GRM1: variants seen among roughly 807,000 people sequenced by gnomAD.
GRM1 encodes metabotropic glutamate receptor 1.
A neutral mutation model predicts 90.9 loss-of-function variants in GRM1; 33 were observed. That is an observed-to-expected ratio of 0.36 (90% CI 0.28 to 0.49). GRM1 has a LOEUF of 0.49. Among genes scored for constraint, GRM1 ranks in the 20% least tolerant of loss-of-function variants. GRM1 has a pLI of 0.99. For synonymous variants in GRM1, 700 were observed against 613.2 expected, an observed-to-expected ratio of 1.14 and a Z score of -2.09; for missense variants, 1,190 against 1,534.3, an observed-to-expected ratio of 0.78 and a Z score of 3.75.
chr6:146,285,108 T>C (rs971195745), intron 2 of GRM1, among the ~76,000 whole-genome samples: 1 of 152,224 alleles, frequency 6.6e-6, no homozygotes, highest in African/African-American at 2.4e-5. Flanking sequence ...CAAATTTCTA[T>C]TGGATTCTTG....
At chr6:146,143,957 T>G (rs1337173024) in intron 1 of GRM1, among the ~76,000 whole-genome samples, 1 of 152,248 alleles carries the variant, frequency 6.6e-6, no homozygotes, top group Non-Finnish European at 1.5e-5. Context: ...TCAAGACTCC[T>G]GGCTCTCATT....
rs1775376792 is a variant in GRM1 at position 146,053,599 on chromosome 6, T to C, written c.700+23382T>C. ...ATGAATAAAGGACTGATGGACTGAA[T>C]CCTGCTGAACGTTATGTGAGTTTTT... On this transcript the variant is annotated intron_variant, in intron 1 of 7. Coordinates refer to ENST00000282753, the MANE Select transcript of GRM1 (RefSeq NM_001278064.2). Among the ~76,000 whole-genome samples the C allele has an allele frequency of 2.0e-5, 3 of 152,176 alleles. No homozygotes were observed. In the South Asian group the frequency reaches 6.2e-4, roughly 32 times the overall value.
intron 7 of GRM1, among the ~76,000 whole-genome samples, chr6:146,401,907 G>A (rs1583448079): frequency 6.6e-6 from 1 of 152,142 alleles, no homozygotes; most frequent in African/African-American, 2.4e-5. Context: ...GCTATCTGAT[G>A]TCACATTAAC....
chr6:146,126,511 A>C (rs2128878959), intron 1 of GRM1, among the ~76,000 whole-genome samples: 1 of 152,286 alleles, frequency 6.6e-6, no homozygotes, highest in East Asian at 1.9e-4. Flanking sequence ...TTCTAAAATC[A>C]CTAAACCAGA....
At chr6:146,396,315 A>C (rs1776932884) in intron 6 of GRM1, among the ~76,000 whole-genome samples, 1 of 152,196 alleles carries the variant, frequency 6.6e-6, no homozygotes, top group South Asian at 2.1e-4. Context: ...ATGGTGTCTT[A>C]GATTCCCAAA....
In GRM1 at chr6:146,029,905, A is replaced by G. The variant is rs374592397; in HGVS notation, c.388A>G (p.Ile130Val). ...IEFIRDSLIS[I>V]RDEKDGINRC... The stretch of plus-strand genomic sequence containing the variant: ...GTTCATTAGGGACTCTCTGATTTCC[A>G]TTCGAGATGAGAAGGATGGGATCAA... Residue 130 changes from isoleucine to valine, a missense_variant, in exon 1 of 8, where the codon ATT (isoleucine) becomes GTT (valine). By Grantham distance (29) the Ile-to-Val change is conservative (BLOSUM62 3). Coordinates refer to ENST00000282753, the MANE Select transcript of GRM1 (RefSeq NM_001278064.2). 26 of 1,613,948 alleles carry G rather than the reference A, an allele frequency of 1.6e-5. No homozygotes were observed. The highest frequency in any genetic ancestry group is 2.2e-5 in the Non-Finnish European group (26 of 1,180,016).
At chr6:146,213,239 G>C (rs1779740411) in intron 2 of GRM1, among the ~76,000 whole-genome samples, 1 of 152,092 alleles carries the variant, frequency 6.6e-6, no homozygotes, top group Non-Finnish European at 1.5e-5. Context: ...TATGAGAGAG[G>C]TTGTATCAGG....
intron 3 of GRM1, among the ~76,000 whole-genome samples, chr6:146,352,026 A>C (rs1434171286): frequency 1.3e-5 from 2 of 152,206 alleles, no homozygotes; most frequent in African/African-American, 4.8e-5. Flanking sequence ...TATATCTCAT[A>C]AAACCATTAT....
At chr6:146,272,134 G>A (rs954438927) in intron 2 of GRM1, among the ~76,000 whole-genome samples, 5 of 152,174 alleles carry the variant, frequency 3.3e-5, no homozygotes, top group African/African-American at 1.2e-4. Flanking sequence ...GATACATAAA[G>A]TAAGCATTTG....
At chr6:146,269,391 A>C (rs1488461613) in intron 2 of GRM1, among the ~76,000 whole-genome samples, 2 of 152,220 alleles carry the variant, frequency 1.3e-5, no homozygotes. Flanking sequence ...AAACCTCCTA[A>C]AAATTCTATG....
chr6:146,396,847 G>GGT (rs1173445127), intron 6 of GRM1, among the ~76,000 whole-genome samples: 5 of 152,150 alleles, frequency 3.3e-5, no homozygotes, highest in Non-Finnish European at 5.9e-5. Context: ...AAGGTTATAT[G>GGT]ACTTAATATA....
At chr6:146,322,611 T>C (rs1379609869) in intron 3 of GRM1, among the ~76,000 whole-genome samples, 4 of 151,852 alleles carry the variant, frequency 2.6e-5, no homozygotes, top group Non-Finnish European at 2.9e-5. Flanking sequence ...TTTATTTTAT[T>C]ATTGTTATAC....
chr6:146,209,375 G>T (rs969501216), intron 2 of GRM1, among the ~76,000 whole-genome samples: 1 of 152,074 alleles, frequency 6.6e-6, no homozygotes, highest in Non-Finnish European at 1.5e-5. Flanking sequence ...GGACATTTTT[G>T]ATTAAGTAGG....
At chr6:146,077,553 A>T (rs1366966243) in intron 1 of GRM1, among the ~76,000 whole-genome samples, 2 of 152,240 alleles carry the variant, frequency 1.3e-5, no homozygotes, top group African/African-American at 4.8e-5. Context: ...TGGACTGAGC[A>T]TCACAGATGT....
intron 1 of GRM1, among the ~76,000 whole-genome samples, chr6:146,138,907 G>A (rs1776731268): frequency 6.6e-6 from 1 of 150,614 alleles, no homozygotes; most frequent in South Asian, 2.1e-4. Flanking sequence ...TCTTTAAGAT[G>A]CATACTTAGG....
At chr6:146,122,389 AC>A (rs1776024360) in intron 1 of GRM1, among the ~76,000 whole-genome samples, 1 of 151,800 alleles carries the variant, frequency 6.6e-6, no homozygotes, top group South Asian at 2.1e-4. Flanking sequence ...AATTTGCCCC[AC>A]CCCCACTGCA....
At chr6:146,257,345 A>G (rs540070663) in intron 2 of GRM1, among the ~76,000 whole-genome samples, 7 of 152,196 alleles carry the variant, frequency 4.6e-5, no homozygotes, top group African/African-American at 1.7e-4. Flanking sequence ...AGTATTTAGC[A>G]GGGAGTCCTG....
intron 2 of GRM1, among the ~76,000 whole-genome samples, chr6:146,204,135 T>C (rs950617946): frequency 6.6e-6 from 1 of 152,216 alleles, no homozygotes; most frequent in Non-Finnish European, 1.5e-5. Flanking sequence ...TCTAGCTTTA[T>C]GCATGTGTTA....
chr6:146,434,710 T>A lies in GRM1; in HGVS notation c.3499T>A (p.Ser1167Thr). 1 of 1,602,540 alleles carries A rather than the reference T, an allele frequency of 6.2e-7. No individual in the cohort carries two copies. The highest frequency in any genetic ancestry group is 8.5e-7 in the Non-Finnish European group (1 of 1,179,926). The change falls in exon 8 of 8, where the codon TCC (serine) becomes ACC (threonine). Residue 1167 changes from serine (S) to threonine (T), a missense_variant. Ser to Thr is a moderately conservative substitution (Grantham distance 58). Transcript: ENST00000282753. ...CAGCTCGGTGCCCAGCTCCCCCGTG[T>A]CCGAGTCGGTGCTCTGCACCCCTCC... is the stretch of plus-strand genomic sequence containing the variant. ...SGSSVPSSPVSESVLCTPPNV... is the reference protein window; with the variant it reads ...SGSSVPSSPVTESVLCTPPNV...
Sources: allele counts gnomAD v4.1 joint callset (sites outside exome capture counted in the v4.1 genomes callset), GRCh38; gene constraint gnomAD v4.1.1; transcripts MANE v1.5; gene names NCBI Gene and HGNC (gene_info 2026-07-23, HGNC 2026-07-21).